Variants in AGBL4 observed in about 807,000 individuals in gnomAD.
AGBL4 encodes AGBL carboxypeptidase 4.
A neutral mutation model predicts 66.4 loss-of-function variants in AGBL4; 58 were observed. The ratio of observed to expected loss-of-function variants is 0.87; its 90% confidence interval spans 0.71 to 1.09. AGBL4 has a LOEUF of 1.09. AGBL4 is among the 50% of genes least tolerant of loss of function. The pLI is 0.00. For synonymous variants in AGBL4, 234 were observed against 222.9 expected (o/e 1.05, Z -0.44); for missense variants, 579 against 631.0 (o/e 0.92, Z 0.88).
chr1:49,471,400 G>A (rs1473761695), intron 3 of AGBL4, among the ~76,000 whole-genome samples: 1 of 151,848 alleles, frequency 6.6e-6, no homozygotes, highest in Non-Finnish European at 1.5e-5. Flanking sequence ...ATATTCAGGA[G>A]CCTGCTTCTA....
intron 4 of AGBL4, among the ~76,000 whole-genome samples, chr1:49,112,953 A>ATTTTTTTTTTTTTTTTTTT (rs780520117): frequency 7.0e-6 from 1 of 142,268 alleles, no homozygotes; most frequent in African/African-American, 2.6e-5. Context: ...CTTCTTTTTA[A>ATTTTTTTTTTTTTTTTTTT]TTTTTTTTTT....
chr1:49,924,620 T>C (rs921752656), intron 1 of AGBL4, among the ~76,000 whole-genome samples: 7 of 152,306 alleles, frequency 4.6e-5, no homozygotes, highest in Middle Eastern at 3.4e-3. Flanking sequence ...CTAAGTTTTA[T>C]AGTGCTTGCT....
intron 9 of AGBL4, among the ~76,000 whole-genome samples, chr1:48,604,361 TG>T (rs1486473738): frequency 6.6e-6 from 1 of 152,180 alleles, no homozygotes; most frequent in Non-Finnish European, 1.5e-5. Context: ...CCTTGGTACG[TG>T]TTCCCAGTTA....
chr1:48,853,520 C>A (rs1019899274), intron 6 of AGBL4, among the ~76,000 whole-genome samples: 10 of 152,154 alleles, frequency 6.6e-5, no homozygotes, highest in African/African-American at 1.7e-4. Flanking sequence ...TACATCACAT[C>A]TAATCTTCAC....
intron 1 of AGBL4, among the ~76,000 whole-genome samples, chr1:50,013,408 C>A (rs1661698667): frequency 6.6e-6 from 1 of 152,076 alleles, no homozygotes; most frequent in Non-Finnish European, 1.5e-5. Flanking sequence ...AATTACCCAC[C>A]ACTTTTATTA....
intron 4 of AGBL4, among the ~76,000 whole-genome samples, chr1:49,126,455 T>C (rs947586065): frequency 6.6e-6 from 1 of 152,068 alleles, no homozygotes; most frequent in African/African-American, 2.4e-5. Flanking sequence ...AACTGAGTGA[T>C]AGAGACAAAG....
At chr1:49,923,408 C>T (rs1652462160) in intron 1 of AGBL4, among the ~76,000 whole-genome samples, 1 of 151,370 alleles carries the variant, frequency 6.6e-6, no homozygotes, top group Non-Finnish European at 1.5e-5. Flanking sequence ...AATGCCCTGG[C>T]AAAGATTTGA....
intron 9 of AGBL4, among the ~76,000 whole-genome samples, chr1:48,632,788 T>C (rs980158949): frequency 6.6e-6 from 1 of 152,358 alleles, no homozygotes; most frequent in Admixed American, 6.5e-5. Context: ...GAGAAGGAAG[T>C]ATTGCTATTC....
intron 9 of AGBL4, among the ~76,000 whole-genome samples, chr1:48,595,973 A>G (rs1216148156): frequency 1.3e-5 from 2 of 152,244 alleles, no homozygotes; most frequent in African/African-American, 2.4e-5. Context: ...CATGGGGAAG[A>G]AACTGAAGCT....
At chr1:49,035,675 A>C (rs891798490) in intron 5 of AGBL4, among the ~76,000 whole-genome samples, 1 of 152,062 alleles carries the variant, frequency 6.6e-6, no homozygotes, top group Non-Finnish European at 1.5e-5. Context: ...ATTACTTTAG[A>C]GAGACAATTA....
At chr1:48,746,033 C>T (rs1242156604) in intron 6 of AGBL4, among the ~76,000 whole-genome samples, 2 of 152,186 alleles carry the variant, frequency 1.3e-5, no homozygotes, top group African/African-American at 4.8e-5. Context: ...TCACCTGGCA[C>T]AGTGCTTGAT....
intron 3 of AGBL4, among the ~76,000 whole-genome samples, chr1:49,517,016 C>G (rs1442362653): frequency 6.6e-6 from 1 of 151,868 alleles, no homozygotes; most frequent in African/African-American, 2.4e-5. Context: ...TATTCCTATA[C>G]AAGGTATTAT....
At chr1:49,270,118 T>C (rs1644022082) in intron 3 of AGBL4, among the ~76,000 whole-genome samples, 1 of 152,194 alleles carries the variant, frequency 6.6e-6, no homozygotes, top group Admixed American at 6.5e-5. Flanking sequence ...CTGTGACTAG[T>C]CTTGGGGATA....
At chr1:49,566,093 C>A (rs969061727) in intron 3 of AGBL4, among the ~76,000 whole-genome samples, 14 of 152,222 alleles carry the variant, frequency 9.2e-5, no homozygotes, top group Non-Finnish European at 1.5e-4. Context: ...TTGATCGCAT[C>A]AGTTACTGAG....
At chr1:49,744,815 C>T (rs988404289) in intron 2 of AGBL4, among the ~76,000 whole-genome samples, 1 of 151,772 alleles carries the variant, frequency 6.6e-6, no homozygotes, top group Non-Finnish European at 1.5e-5. Context: ...TATATAGAAA[C>T]AAATTTTTGT....
chr1:49,715,971 C>T (rs540900207), intron 2 of AGBL4, among the ~76,000 whole-genome samples: 1 of 152,174 alleles, frequency 6.6e-6, no homozygotes, highest in East Asian at 1.9e-4. Context: ...TCCCATTTGT[C>T]TATTTTGGCT....
At chr1:48,765,900 G>A (rs572406827) in intron 6 of AGBL4, among the ~76,000 whole-genome samples, 1 of 152,292 alleles carries the variant, frequency 6.6e-6, no homozygotes, top group East Asian at 1.9e-4. Flanking sequence ...TTGTTACCAA[G>A]AGCAGGGGGA....
chr1:49,442,175 T>TGAGA (rs146900583), intron 3 of AGBL4, among the ~76,000 whole-genome samples: 2 of 149,998 alleles, frequency 1.3e-5, no homozygotes, highest in Admixed American at 6.6e-5. Flanking sequence ...AAGCTGGGCC[T>TGAGA]GAGAGAGAGA....
In AGBL4 at chr1:48,958,418, A is replaced by G. The variant is rs139681057; in HGVS notation, c.594+87166T>C. Among the ~76,000 whole-genome samples the G allele has an allele frequency of 3.5e-3, 534 of 152,360 alleles. 1 individual carries two copies. Among genetic ancestry groups the G allele is most frequent in the Admixed American group, 7.6e-3 (117 of 15,304 alleles). On this transcript the variant is annotated intron_variant, in intron 5 of 13. Coordinates refer to ENST00000371839, the MANE Select transcript of AGBL4 (RefSeq NM_032785.4). ...TGCTTAAGAAGGGACTACATTGTCC[A>G]GTCCCTATAACAGTTAGATCATCTG...
Sources: gnomAD v4.1 joint callset for allele counts (sites outside exome capture counted in the v4.1 genomes callset) on GRCh38, gnomAD v4.1.1 for gene constraint, MANE v1.5 for transcripts, NCBI Gene and HGNC (gene_info 2026-07-23, HGNC 2026-07-21) for gene names.